Variants in CELF5 observed in about 807,000 individuals in gnomAD.
CELF5 encodes the protein CUG-BP and ETR-3 like factor 5.
In CELF5, 6 loss-of-function variants were observed where a neutral mutation model predicts 54.9. The ratio of observed to expected loss-of-function variants is 0.11; its 90% CI spans 0.06 to 0.22. CELF5 has a LOEUF of 0.22. Among genes scored for constraint, CELF5 ranks in the 10% least tolerant of loss-of-function variants. The pLI is 1.00. For missense variants in CELF5, 401 were observed against 678.6 expected, an observed-to-expected ratio of 0.59 and a Z score of 4.54; for synonymous variants, 271 against 290.9, an observed-to-expected ratio of 0.93 and a Z score of 0.70.
At chr19:3,231,016 A>T (rs1414842873) in intron 1 of CELF5, among the ~76,000 whole-genome samples, 1 of 152,172 alleles carries the variant, frequency 6.6e-6, no homozygotes, top group Non-Finnish European at 1.5e-5. Flanking sequence ...AAAAAGAAAC[A>T]TGATTTTGGA....
chr19:3,278,107 G>A lies in CELF5; in HGVS notation c.600G>A (p.Met200Ile). The change falls in exon 5 of 13, where the codon ATG (methionine) becomes ATA (isoleucine). Residue 200 changes from methionine to isoleucine, a missense_variant. Met to Ile is a conservative substitution (Grantham distance 10, BLOSUM62 1). Around this residue, in one of 6 missense-constraint regions of CELF5, gnomAD observed 87 missense variants for 190.2 expected, o/e 0.46. Transcript: ENST00000292672. The surrounding 1 kb of genome is among the most constrained non-coding windows in gnomAD (Gnocchi z 4.5). ...ACGCCTTGCATGGGAGCCAGACCAT[G>A]CCGGTGAGTTGGAGCTGCCCTTGGC... ...AIHALHGSQT[M>I]PGASSSLVVK... is the part of the protein sequence containing the mutation. 1 of 1,609,526 alleles carries A rather than the reference G, an allele frequency of 6.2e-7. No individual in the cohort carries two copies. Among genetic ancestry groups the A allele is most frequent in the Non-Finnish European group, 8.5e-7 (1 of 1,179,166 alleles).
chr19:3,272,990 A>G (rs1025952570), intron 2 of CELF5, among the ~76,000 whole-genome samples: 1 of 151,994 alleles, frequency 6.6e-6, no homozygotes, highest in Non-Finnish European at 1.5e-5. Flanking sequence ...ATCATTTTCA[A>G]TGCCTGGGGT....
At chr19:3,260,061 G>A (rs1014948971) in intron 2 of CELF5, among the ~76,000 whole-genome samples, 4 of 152,096 alleles carry the variant, frequency 2.6e-5, no homozygotes, top group African/African-American at 9.7e-5. Flanking sequence ...TATTTCATTT[G>A]AACCCAATAT....
intron 10 of CELF5, among the ~76,000 whole-genome samples, chr19:3,289,480 G>C (rs1368970798): frequency 6.6e-6 from 1 of 152,066 alleles, no homozygotes; most frequent in African/African-American, 2.4e-5. Context: ...TCAGGAGTTT[G>C]AGCCCAGCCT....
intron 1 of CELF5, among the ~76,000 whole-genome samples, chr19:3,229,589 G>A (rs1599379735): frequency 6.6e-6 from 1 of 152,364 alleles, no homozygotes; most frequent in Non-Finnish European, 1.5e-5. Flanking sequence ...GCCTTGGGCA[G>A]ATGTCTTCAT....
chr19:3,273,478 A>C (rs1215113018), intron 2 of CELF5, among the ~76,000 whole-genome samples: 1 of 152,010 alleles, frequency 6.6e-6, no homozygotes, highest in Non-Finnish European at 1.5e-5. Flanking sequence ...CCGCAACTTA[A>C]CTTCCACCAC....
In CELF5 at chr19:3,262,326, G is replaced by A. The variant is rs546109314; in HGVS notation, c.342+11259G>A. ...TTACAGGCATGAGCCACCGCGCCCG[G>A]CCAAGAAACTGATTTTTAATGTTAC... On this transcript the variant is annotated intron_variant, in intron 2 of 12. Transcript: ENST00000292672. Among the ~76,000 whole-genome samples, 8 of 152,246 alleles carry A rather than the reference G, an allele frequency of 5.3e-5. No homozygotes were observed. In the East Asian group the frequency reaches 1.5e-3, roughly 29 times the overall value.
At chr19:3,267,419 G>A (rs947445962) in intron 2 of CELF5, among the ~76,000 whole-genome samples, 14 of 152,216 alleles carry the variant, frequency 9.2e-5, no homozygotes, top group African/African-American at 2.9e-4. Flanking sequence ...GGAATGGACC[G>A]TGGGACCCTG....
intron 2 of CELF5, chr19:3,270,506 C>G (rs536464740): frequency 8.8e-4 from 132 of 150,142 alleles, no homozygotes; most frequent in African/African-American, 3.0e-3. Flanking sequence ...CCTCCCGGCT[C>G]GGGCGGGCAG....
chr19:3,280,624 G>C (rs1568359032), intron 5 of CELF5, among the ~76,000 whole-genome samples: 1 of 152,078 alleles, frequency 6.6e-6, no homozygotes, highest in African/African-American at 2.4e-5. Context: ...TAGCTCCAGG[G>C]CATGGAGGAC....
rs1023363813 is a variant in CELF5, at chr19:3,261,367, G to A, written c.342+10300G>A. Among the ~76,000 whole-genome samples, 6 of 151,634 alleles carry A rather than the reference G, an allele frequency of 4.0e-5. No homozygotes were observed. The East Asian group carries it at 9.7e-4, about 25-fold the overall frequency. The stretch of plus-strand genomic sequence containing the variant: ...TGGGAGGTGAAGGTTGCAGTGAGCC[G>A]AGATTGCACCACTGTACTCCAGCAT... On this transcript the variant is annotated intron_variant, in intron 2 of 12. Coordinates refer to ENST00000292672, the MANE Select transcript of CELF5 (RefSeq NM_021938.4).
intron 3 of CELF5, among the ~76,000 whole-genome samples, chr19:3,274,162 G>GC (rs1280982205): frequency 5.8e-5 from 3 of 51,664 alleles, no homozygotes; most frequent in East Asian, 2.1e-3. Context: ...AAGGGAGGAT[G>GC]GGGGGTCTAG....
chr19:3,244,395 G>T (rs1456966769), intron 1 of CELF5, among the ~76,000 whole-genome samples: 1 of 149,786 alleles, frequency 6.7e-6, no homozygotes. Context: ...AGTGTGTGTG[G>T]TGTGCATGCA....
At chr19:3,238,508 T>A (rs1480162694) in intron 1 of CELF5, among the ~76,000 whole-genome samples, 3 of 152,132 alleles carry the variant, frequency 2.0e-5, no homozygotes, top group Non-Finnish European at 4.4e-5. Flanking sequence ...AGGGCCTCAC[T>A]TTCTCCAAGG....
At chr19:3,255,593 C>G (rs751590448) in intron 2 of CELF5, among the ~76,000 whole-genome samples, 1 of 152,156 alleles carries the variant, frequency 6.6e-6, no homozygotes, top group African/African-American at 2.4e-5. Context: ...ATCCTGCCCT[C>G]TCATTTGTTG....
At chr19:3,231,409 A>G (rs1042228321) in intron 1 of CELF5, among the ~76,000 whole-genome samples, 2 of 151,998 alleles carry the variant, frequency 1.3e-5, no homozygotes, top group East Asian at 1.9e-4. Context: ...AAGTGGGTAG[A>G]TCAGTGGAAG....
intron 1 of CELF5, among the ~76,000 whole-genome samples, chr19:3,243,079 C>A (rs2079514040): frequency 6.6e-6 from 1 of 152,144 alleles, no homozygotes; most frequent in African/African-American, 2.4e-5. Flanking sequence ...AAAATGGGAA[C>A]AATGCCAGCA....
intron 1 of CELF5, among the ~76,000 whole-genome samples, chr19:3,245,482 G>A (rs971981408): frequency 7.9e-5 from 12 of 151,500 alleles, no homozygotes; most frequent in African/African-American, 2.7e-4. Context: ...TGGGGCTGAT[G>A]GCCTTAAATG....
In CELF5 at chr19:3,225,953, C is replaced by G. The variant is rs557959477; in HGVS notation, c.259+955C>G. The stretch of plus-strand genomic sequence containing the variant: ...CGGCCTCAGGCCTGTCTGCCTCCCT[C>G]CCACTGGATTCTCCCTCCGATGGCA... On this transcript the variant is annotated intron_variant, in intron 1 of 12. Coordinates refer to ENST00000292672, the MANE Select transcript of CELF5 (RefSeq NM_021938.4). Among the ~76,000 whole-genome samples, 10 of 152,306 alleles carry G rather than the reference C, an allele frequency of 6.6e-5. No individual in the cohort carries two copies. In the South Asian group the frequency reaches 2.1e-3, roughly 32 times the overall value.
Sources: allele counts gnomAD v4.1 joint callset (sites outside exome capture counted in the v4.1 genomes callset), GRCh38; gene constraint gnomAD v4.1.1; regional missense constraint gnomAD v4.1.1; non-coding constraint Gnocchi (gnomAD v3.1); transcripts MANE v1.5; gene names NCBI Gene and HGNC (gene_info 2026-07-23, HGNC 2026-07-21).